Variants in TAFA1 observed in about 807,000 individuals in gnomAD.
TAFA1 encodes TAFA chemokine like family member 1, also known as chemokine-like protein TAFA-1.
TAFA1 carries 4 observed loss-of-function variants against 18.5 expected under a neutral mutation model. The ratio of observed to expected loss-of-function variants is 0.22; its 90% CI spans 0.11 to 0.49. The LOEUF (loss-of-function observed/expected upper bound fraction) is 0.49. TAFA1 is among the 20% of genes least tolerant of loss of function. The pLI is 0.98. For missense variants in TAFA1, 147 were observed against 169.0 expected (o/e 0.87, Z 0.72); for synonymous variants, 56 against 55.2 (o/e 1.01, Z -0.06).
chr3:68,060,904 C>T (rs986864553), intron 2 of TAFA1, among the ~76,000 whole-genome samples: 1 of 152,184 alleles, frequency 6.6e-6, no homozygotes, highest in Non-Finnish European at 1.5e-5. Flanking sequence ...GTTCAAGTCT[C>T]ACCATCACAA....
chr3:68,312,029 G>A (rs2131042), intron 2 of TAFA1, among the ~76,000 whole-genome samples: 126,853 of 152,258 alleles, frequency 0.83, 53,292 homozygotes, highest in African/African-American at 0.94. Flanking sequence ...GCTCAACACC[G>A]TGTGGAAGCT....
At chr3:68,470,415 G>T (rs1247788387) in intron 3 of TAFA1, among the ~76,000 whole-genome samples, 3 of 152,314 alleles carry the variant, frequency 2.0e-5, no homozygotes, top group Middle Eastern at 3.4e-3. Flanking sequence ...ACAGGCAGAG[G>T]TTGGAACAGT....
At chr3:68,032,644 C>A (rs1448401232) in intron 2 of TAFA1, among the ~76,000 whole-genome samples, 5 of 152,108 alleles carry the variant, frequency 3.3e-5, no homozygotes, top group African/African-American at 1.2e-4. Flanking sequence ...CCTGGTTCCA[C>A]TTCCCTTCCC....
chr3:68,002,795 A>C (rs1225182227), upstream of TAFA1, among the ~76,000 whole-genome samples: 2 of 152,146 alleles, frequency 1.3e-5, no homozygotes, highest in African/African-American at 4.8e-5. Context: ...CACGTTCTTT[A>C]ATCTTCCTGT....
At chr3:68,267,107 C>T (rs1272244465) in intron 2 of TAFA1, among the ~76,000 whole-genome samples, 1 of 152,130 alleles carries the variant, frequency 6.6e-6, no homozygotes, top group African/African-American at 2.4e-5. Context: ...CACAACAAGT[C>T]AAGTTTATTC....
intron 3 of TAFA1, among the ~76,000 whole-genome samples, chr3:68,528,825 TCTCA>T (rs1282260494): frequency 1.3e-5 from 2 of 152,178 alleles, no homozygotes; most frequent in African/African-American, 4.8e-5. Context: ...AATGTTTTAC[TCTCA>T]CTTAGTGAAG....
Position 68,037,847 on chromosome 3 carries a change from G to A in TAFA1, c.118+31103G>A, listed in dbSNP as rs75496678. Among the ~76,000 whole-genome samples, 597 of 152,222 alleles carry A rather than the reference G, an allele frequency of 3.9e-3. 6 individuals are homozygous for A. The highest frequency in any genetic ancestry group is 0.014 in the African/African-American group (571 of 41,516). The stretch of plus-strand genomic sequence containing the variant: ...CATCTTTTGGCCAGACAGGACAACA[G>A]GAAGAAAACATATTTTCACGGCATG... On this transcript the variant is annotated intron_variant, in intron 2 of 4. Coordinates refer to ENST00000478136, the MANE Select transcript of TAFA1 (RefSeq NM_213609.4).
chr3:68,264,082 A>T (rs1205449540), intron 2 of TAFA1, among the ~76,000 whole-genome samples: 1 of 152,082 alleles, frequency 6.6e-6, no homozygotes, highest in Non-Finnish European at 1.5e-5. Flanking sequence ...ACTTGAGGCC[A>T]ACATGGTGAA....
intron 2 of TAFA1, among the ~76,000 whole-genome samples, chr3:68,255,749 C>T (rs2067286353): frequency 6.6e-6 from 1 of 151,960 alleles, no homozygotes; most frequent in Non-Finnish European, 1.5e-5. Context: ...TTAGGATTTT[C>T]TGTCTTCTGA....
At chr3:68,098,855 C>T (rs778683551) in intron 2 of TAFA1, among the ~76,000 whole-genome samples, 1 of 151,980 alleles carries the variant, frequency 6.6e-6, no homozygotes, top group East Asian at 1.9e-4. Context: ...AAGCTGCACA[C>T]CTACAACCAT....
At chr3:68,503,874 T>C (rs1511901) in intron 3 of TAFA1, among the ~76,000 whole-genome samples, 38,241 of 151,982 alleles carry the variant, frequency 0.25, 4,862 homozygotes, top group African/African-American at 0.28. Flanking sequence ...GCTAAGAGAA[T>C]GATTAAGTAA....
At chr3:68,153,803 C>T (rs2065834461) in intron 2 of TAFA1, among the ~76,000 whole-genome samples, 1 of 152,112 alleles carries the variant, frequency 6.6e-6, no homozygotes, top group Admixed American at 6.6e-5. Context: ...GTAAGAAATA[C>T]TTGCCTTTTT....
intron 3 of TAFA1, among the ~76,000 whole-genome samples, chr3:68,473,191 T>C (rs1237925075): frequency 1.3e-5 from 2 of 152,132 alleles, no homozygotes; most frequent in Non-Finnish European, 2.9e-5. Context: ...CAGAGAATAA[T>C]GGCATGTATT....
intron 2 of TAFA1, among the ~76,000 whole-genome samples, chr3:68,115,313 G>A (rs980332708): frequency 3.3e-5 from 5 of 152,136 alleles, no homozygotes; most frequent in Non-Finnish European, 7.3e-5. Flanking sequence ...TTCAAGAGTG[G>A]CATTTGTGAA....
At chr3:68,226,629 T>C (rs2107105980) in intron 2 of TAFA1, among the ~76,000 whole-genome samples, 1 of 152,326 alleles carries the variant, frequency 6.6e-6, no homozygotes, top group South Asian at 2.1e-4. Context: ...TTCATATTAA[T>C]GTTCATTGTG....
chr3:68,525,806 T>C (rs1413586602), intron 3 of TAFA1, among the ~76,000 whole-genome samples: 1 of 152,210 alleles, frequency 6.6e-6, no homozygotes, highest in African/African-American at 2.4e-5. Flanking sequence ...CCCTAGAGAC[T>C]GCAAGAGCAC....
At chr3:68,070,777 T>A (rs917128126) in intron 2 of TAFA1, among the ~76,000 whole-genome samples, 4 of 152,214 alleles carry the variant, frequency 2.6e-5, no homozygotes, top group Non-Finnish European at 4.4e-5. Flanking sequence ...AAGTTCAAAG[T>A]TCCACAAATC....
At chr3:68,316,268 T>A (rs1178538167) in intron 2 of TAFA1, among the ~76,000 whole-genome samples, 3 of 152,108 alleles carry the variant, frequency 2.0e-5, no homozygotes, top group Non-Finnish European at 2.9e-5. Flanking sequence ...GAGGAGGAGG[T>A]TCAGTCCACT....
intron 3 of TAFA1, among the ~76,000 whole-genome samples, chr3:68,479,350 C>G (rs1009737418): frequency 6.6e-6 from 1 of 151,502 alleles, no homozygotes; most frequent in Non-Finnish European, 1.5e-5. Context: ...TATTTCCACT[C>G]TGTATAAATA....
Sources: gnomAD v4.1 joint callset for allele counts (sites outside exome capture counted in the v4.1 genomes callset) on GRCh38, gnomAD v4.1.1 for gene constraint, MANE v1.5 for transcripts, NCBI Gene and HGNC (gene_info 2026-07-23, HGNC 2026-07-21) for gene names.